The following GRIN2B variants were observed in gnomAD, a reference collection of about 807,000 sequenced individuals.
GRIN2B encodes glutamate ionotropic receptor NMDA type subunit 2B, also known as glutamate receptor ionotropic, NMDA 2B.
A neutral mutation model predicts 114.5 loss-of-function variants in GRIN2B; 5 were observed. The ratio of observed to expected loss-of-function variants is 0.04; its 90% CI spans 0.02 to 0.09. GRIN2B has a LOEUF of 0.09. Among genes scored for constraint, GRIN2B ranks in the 10% least tolerant of loss-of-function variants. The probability of loss-of-function intolerance (pLI) is 1.00; values close to 1 mark genes in which losing one functional copy is unlikely to be tolerated. For synonymous variants in GRIN2B, 787 were observed against 745.1 expected (o/e 1.06, Z -0.92); for missense variants, 1,108 against 1,943.5 (o/e 0.57, Z 8.08).
chr12:13,598,964 G>A (rs1467744550), intron 10 of GRIN2B, among the ~76,000 whole-genome samples: 1 of 152,190 alleles, frequency 6.6e-6, no homozygotes, highest in Admixed American at 6.5e-5. Flanking sequence ...AGTGATGGCT[G>A]ACAATCCAAG....
chr12:13,842,917 C>CT (rs201344138), intron 3 of GRIN2B, among the ~76,000 whole-genome samples: 2,433 of 102,976 alleles, frequency 0.024, 34 homozygotes, highest in Middle Eastern at 0.039. Context: ...ATTGGTTTTT[C>CT]TTTTTTTTTT....
intron 10 of GRIN2B, among the ~76,000 whole-genome samples, chr12:13,582,466 T>TA (rs1365083471): frequency 1.4e-4 from 22 of 152,234 alleles, no homozygotes; most frequent in African/African-American, 5.3e-4. Context: ...TGGCATATAA[T>TA]AAGCATTCAA....
chr12:13,723,450 A>G lies in GRIN2B; in HGVS notation c.1010+29867T>C, dbSNP rs139183039. 2.1e-3 allele frequency among the ~76,000 whole-genome samples: 326 copies of G among 151,776 alleles called. 1 individual carries two copies. The highest frequency in any genetic ancestry group is 7.2e-3 in the African/African-American group (300 of 41,426). ...CTCTCCTTCCCTGTCTCACTGTTCT[A>G]GTCCCTAAGCCCTGCTCCCTAGAAT... On this transcript the variant is annotated intron_variant, in intron 4 of 13. Coordinates refer to ENST00000609686, the MANE Select transcript of GRIN2B (RefSeq NM_000834.5).
At chr12:13,966,217 C>T (rs1867787773) in intron 2 of GRIN2B, among the ~76,000 whole-genome samples, 1 of 152,062 alleles carries the variant, frequency 6.6e-6, no homozygotes, top group Non-Finnish European at 1.5e-5. Flanking sequence ...CTTGGGAAGA[C>T]CAAATAATGT....
At chr12:13,667,813 T>C (rs1949991837) in intron 5 of GRIN2B, among the ~76,000 whole-genome samples, 2 of 152,178 alleles carry the variant, frequency 1.3e-5, no homozygotes, top group African/African-American at 4.8e-5. Context: ...AATTTTAAAA[T>C]ATAACTGCTA....
At chr12:13,964,221 G>A (rs368700644) in intron 2 of GRIN2B, among the ~76,000 whole-genome samples, 12 of 152,240 alleles carry the variant, frequency 7.9e-5, no homozygotes, top group African/African-American at 2.9e-4. Flanking sequence ...TGGCTCACCC[G>A]TGTCTGGGCC....
chr12:13,594,961 T>C (rs1354705179), intron 10 of GRIN2B, among the ~76,000 whole-genome samples: 1 of 152,196 alleles, frequency 6.6e-6, no homozygotes, highest in Non-Finnish European at 1.5e-5. Context: ...TGCCCCTTAC[T>C]ACTGCATAAA....
chr12:13,622,922 A>C (rs1949532035), intron 5 of GRIN2B, among the ~76,000 whole-genome samples: 1 of 152,206 alleles, frequency 6.6e-6, no homozygotes, highest in South Asian at 2.1e-4. Flanking sequence ...AACTTAATGA[A>C]CTTTGGGGGA....
chr12:13,942,690 A>G (rs1225496800), intron 2 of GRIN2B, among the ~76,000 whole-genome samples: 1 of 152,226 alleles, frequency 6.6e-6, no homozygotes, highest in Admixed American at 6.5e-5. Context: ...CTTCATTCAT[A>G]CAAACTACTA....
intron 3 of GRIN2B, among the ~76,000 whole-genome samples, chr12:13,814,392 T>G (rs1864782211): frequency 6.6e-6 from 1 of 152,230 alleles, no homozygotes; most frequent in African/African-American, 2.4e-5. Context: ...TTTTGTGTGT[T>G]TGTTTTAGTG....
intron 2 of GRIN2B, among the ~76,000 whole-genome samples, chr12:13,866,444 A>G (rs1337158604): frequency 1.3e-5 from 2 of 152,198 alleles, no homozygotes; most frequent in Non-Finnish European, 2.9e-5. Flanking sequence ...ACAAGGCAAT[A>G]AAAGGTGCTA....
At chr12:13,595,030 T>C (rs995379065) in intron 10 of GRIN2B, among the ~76,000 whole-genome samples, 1 of 152,116 alleles carries the variant, frequency 6.6e-6, no homozygotes, top group African/African-American at 2.4e-5. Context: ...AAAAGCCCCT[T>C]TTTGATTACC....
rs558781127 is a variant in GRIN2B at position 13,883,384 on chromosome 12, T to G, written c.-18-17158A>C. 3.6e-4 allele frequency among the ~76,000 whole-genome samples: 55 copies of G among 152,338 alleles called. No individual in the cohort carries two copies. In the South Asian group the frequency reaches 0.011, roughly 30 times the overall value. On this transcript the variant is annotated intron_variant, in intron 2 of 13. Transcript: ENST00000609686. Reference sequence around the variant, plus strand: ...CATTCCCACCAGCAGTTTCTCCACATTCTTACCATTCCTACCAACCTATTC... The same window carrying G: ...CATTCCCACCAGCAGTTTCTCCACAGTCTTACCATTCCTACCAACCTATTC...
intron 4 of GRIN2B, among the ~76,000 whole-genome samples, chr12:13,682,915 C>A (rs941331061): frequency 5.9e-5 from 9 of 152,146 alleles, no homozygotes; most frequent in Non-Finnish European, 1.3e-4. Flanking sequence ...TTAGTTTAAT[C>A]TGCAATGAAA....
At chr12:13,621,950 C>G (rs1414585926) in intron 5 of GRIN2B, among the ~76,000 whole-genome samples, 1 of 151,348 alleles carries the variant, frequency 6.6e-6, no homozygotes, top group Non-Finnish European at 1.5e-5. Context: ...CTCTGAAAGC[C>G]CCCACGTTTG....
Position 13,711,447 on chromosome 12 carries a change from C to T in GRIN2B, c.1011-35588G>A, listed in dbSNP as rs907367828. 6.6e-5 allele frequency among the ~76,000 whole-genome samples: 10 copies of T among 152,190 alleles called. No individual in the cohort carries two copies. In the East Asian group the frequency reaches 1.4e-3, roughly 21 times the overall value. On this transcript the variant is annotated intron_variant, in intron 4 of 13. Transcript: ENST00000609686. ...ACCATCAGAGTGAACAGGCAACCTA[C>T]AGAATGGGAGAAAATTTTTGCAATC... is the stretch of plus-strand genomic sequence containing the variant.
intron 4 of GRIN2B, among the ~76,000 whole-genome samples, chr12:13,714,270 T>A (rs1360965256): frequency 4.0e-5 from 6 of 151,726 alleles, no homozygotes; most frequent in Admixed American, 6.6e-5. Flanking sequence ...TTTTAATAAG[T>A]CTCAGCAAAC....
chr12:13,714,635 G>A (rs962229759), intron 4 of GRIN2B, among the ~76,000 whole-genome samples: 2 of 151,832 alleles, frequency 1.3e-5, no homozygotes, highest in Admixed American at 1.3e-4. Context: ...AAGGGGGAAC[G>A]CTGGTTGGTT....
chr12:13,898,789 T>C (rs1866396905), intron 2 of GRIN2B, among the ~76,000 whole-genome samples: 1 of 152,212 alleles, frequency 6.6e-6, no homozygotes, highest in African/African-American at 2.4e-5. Flanking sequence ...CACATGCCTG[T>C]AATCCCAGCT....
Sources: gnomAD v4.1 joint callset for allele counts (sites outside exome capture counted in the v4.1 genomes callset) on GRCh38, gnomAD v4.1.1 for gene constraint, MANE v1.5 for transcripts, NCBI Gene and HGNC (gene_info 2026-07-23, HGNC 2026-07-21) for gene names.